The following USO1 variants were observed in gnomAD, a reference collection of about 807,000 sequenced individuals.
The protein encoded by USO1 is USO1 vesicle transport factor, also known as general vesicular transport factor p115.
Under a neutral mutation model 124.5 loss-of-function variants are expected in USO1, and 57 were observed. That is an observed-to-expected ratio of 0.46 (90% CI 0.37 to 0.57). The LOEUF (loss-of-function observed/expected upper bound fraction) is 0.57. USO1 is among the 20% of genes least tolerant of loss of function. The pLI is 0.00. For missense variants in USO1, 900 were observed against 1,040.6 expected (o/e 0.86, Z 1.86); for synonymous variants, 369 against 362.8 (o/e 1.02, Z -0.19).
At chr4:75,728,463 T>C (rs1720527098) in intron 1 of USO1, among the ~76,000 whole-genome samples, 1 of 152,134 alleles carries the variant, frequency 6.6e-6, no homozygotes, top group Non-Finnish European at 1.5e-5. Context: ...CAAGCACATT[T>C]TTATGGTGAA....
chr4:75,749,324 G>A (rs1490028106), intron 1 of USO1, among the ~76,000 whole-genome samples: 4 of 151,946 alleles, frequency 2.6e-5, no homozygotes, highest in African/African-American at 7.2e-5. Flanking sequence ...ATTCAGATAC[G>A]TAGGGTGCAA....
chr4:75,748,547 C>G (rs780707035), intron 1 of USO1, among the ~76,000 whole-genome samples: 3 of 152,134 alleles, frequency 2.0e-5, no homozygotes, highest in Non-Finnish European at 2.9e-5. Flanking sequence ...TTTTATATTT[C>G]TGCGTTTAGC....
rs1306739024 is a variant in USO1, at chr4:75,779,717, G to A, written c.677-2963G>A. On this transcript the variant is annotated intron_variant, in intron 8 of 23. Coordinates refer to ENST00000514213, the MANE Select transcript of USO1 (RefSeq NM_003715.4). Reference sequence around the variant, plus strand: ...TGTTGCTGCGTGAGATCTAAGGAAAGAAGCTGTCTCCCTAACAAAAGTACA... The same window carrying A: ...TGTTGCTGCGTGAGATCTAAGGAAAAAAGCTGTCTCCCTAACAAAAGTACA... Among the ~76,000 whole-genome samples the A allele has an allele frequency of 3.3e-5, 5 of 152,226 alleles. No homozygotes were observed. The East Asian group carries it at 9.6e-4, about 29-fold the overall frequency.
chr4:75,800,477 A>G lies in USO1; in HGVS notation c.1682+8A>G. 6.4e-7 allele frequency: 1 copy of G among 1,572,556 alleles called. No individual in the cohort carries two copies. The highest frequency in any genetic ancestry group is 1.2e-5 in the South Asian group (1 of 84,896). On this transcript the variant is annotated splice_region_variant and intron_variant, in intron 15 of 23. Transcript: ENST00000514213. ...ACTTGAGAGCTACATGAAGTAAGTAAGGGGAAGATGGTTTTCTAATGGCAT... is the reference window on the plus strand; with the variant it reads ...ACTTGAGAGCTACATGAAGTAAGTAGGGGGAAGATGGTTTTCTAATGGCAT...
intron 1 of USO1, among the ~76,000 whole-genome samples, chr4:75,743,980 G>A (rs1721043585): frequency 6.6e-6 from 1 of 152,092 alleles, no homozygotes; most frequent in Non-Finnish European, 1.5e-5. Flanking sequence ...GTTTCACCGT[G>A]TTAGCCAGGA....
chr4:75,752,790 T>A (rs2149154721), intron 3 of USO1, among the ~76,000 whole-genome samples, 186 bp downstream of exon 3: 1 of 152,288 alleles, frequency 6.6e-6, no homozygotes, highest in East Asian at 1.9e-4. Flanking sequence ...CCTCCCAAAG[T>A]GCTGGGATTG....
chr4:75,759,310 T>A (rs368415650), intron 4 of USO1, among the ~76,000 whole-genome samples: 18 of 128,538 alleles, frequency 1.4e-4, no homozygotes, highest in East Asian at 1.1e-3. Flanking sequence ...AAGTAGACAT[T>A]GGGCTGGGCG....
chr4:75,745,503 C>A (rs1339844795), intron 1 of USO1: 2 of 344,450 alleles, frequency 5.8e-6, no homozygotes, highest in South Asian at 2.3e-5. Flanking sequence ...TGGAGTGATA[C>A]ATCTATAGCT....
At chr4:75,738,850 G>A (rs1300918974) in intron 1 of USO1, among the ~76,000 whole-genome samples, 2 of 151,606 alleles carry the variant, frequency 1.3e-5, no homozygotes, top group Non-Finnish European at 2.9e-5. Flanking sequence ...TTTTTTGTTT[G>A]TTTGTTTTGT....
intron 19 of USO1, 135 bp downstream of exon 19, chr4:75,805,438 G>A: frequency 1.6e-6 from 2 of 1,278,406 alleles, no homozygotes; most frequent in Non-Finnish European, 2.1e-6. Context: ...CAGGCACAGT[G>A]GCTTACGCCT....
rs547136320 is a variant in USO1 at position 75,724,615 on chromosome 4, A to T, written c.-205A>T. On this transcript the variant is annotated 5_prime_UTR_variant, in exon 1 of 24. Coordinates refer to ENST00000514213, the MANE Select transcript of USO1 (RefSeq NM_003715.4). Reference sequence around the variant, plus strand: ...AACCTTCGAGCCGCCACGTAATGCCACGTCCCCGCGCATGCGCATCTTGGC... The same window carrying T: ...AACCTTCGAGCCGCCACGTAATGCCTCGTCCCCGCGCATGCGCATCTTGGC... The T allele has an allele frequency of 3.5e-6, 2 of 576,466 alleles. No homozygotes were observed. The highest frequency in any genetic ancestry group is 3.3e-5 in the Admixed American group (1 of 30,406). 35.7% of individuals were successfully genotyped at this position (576,466 alleles called of 1,614,324 possible).
chr4:75,781,754 T>C (rs1420684632), intron 8 of USO1, among the ~76,000 whole-genome samples: 1 of 104,190 alleles, frequency 9.6e-6, no homozygotes, highest in Non-Finnish European at 2.4e-5. Flanking sequence ...AAAAATGATG[T>C]CTTTTTAAAA....
At chr4:75,748,974 ATATATATG>A (rs1297767718) in intron 1 of USO1, among the ~76,000 whole-genome samples, 2 of 151,892 alleles carry the variant, frequency 1.3e-5, no homozygotes, top group Middle Eastern at 3.4e-3. Context: ...ATATATGTGT[ATATATATG>A]TATATATTAG....
chr4:75,796,966 T>C (rs1722703212), intron 13 of USO1, among the ~76,000 whole-genome samples: 1 of 151,828 alleles, frequency 6.6e-6, no homozygotes, highest in Admixed American at 6.6e-5. Flanking sequence ...CTTTTATGGC[T>C]TCTGCATTTT....
rs749590361 is a variant in USO1, at chr4:75,787,218, T to C, written c.996+16T>C. On this transcript the variant is annotated intron_variant, in intron 10 of 23. Coordinates refer to ENST00000514213, the MANE Select transcript of USO1 (RefSeq NM_003715.4). ...CCTGACTGAGGTAAAGCAAATGAAG[T>C]CAAAGCCAACTCTGTGGAAGTTGAA... is the stretch of plus-strand genomic sequence containing the variant. The C allele has an allele frequency of 6.1e-6, 9 of 1,486,752 alleles. No individual in the cohort carries two copies. The highest frequency in any genetic ancestry group is 6.3e-6 in the Non-Finnish European group (7 of 1,119,352). The allele number at this position is 1,486,752 out of a possible 1,614,324, so 92.1% of individuals were successfully genotyped here. A position where few individuals can be genotyped will look rare whatever the true frequency, so the allele number is the denominator to read the frequency against.
chr4:75,729,271 G>C (rs1487603756), intron 1 of USO1, among the ~76,000 whole-genome samples: 2 of 151,830 alleles, frequency 1.3e-5, no homozygotes, highest in East Asian at 3.9e-4. Flanking sequence ...GACCACCAGG[G>C]ACTTCATGCT....
intron 1 of USO1, among the ~76,000 whole-genome samples, chr4:75,742,912 G>T (rs577742761): frequency 6.6e-6 from 1 of 152,014 alleles, no homozygotes; most frequent in Non-Finnish European, 1.5e-5. Context: ...TTCTTTGGTC[G>T]GTTTCCAAGA....
Position 75,790,156 on chromosome 4 carries a change from A to G in USO1, c.1003A>G (p.Asn335Asp). The change falls in exon 11 of 24, where the codon AAT becomes GAT. Residue 335 changes from asparagine to aspartate, a missense_variant. Around this residue, in one of 2 missense-constraint regions of USO1, gnomAD observed 538 missense variants for 681.6 expected, o/e 0.79. Transcript: ENST00000514213. The stretch of plus-strand genomic sequence containing the variant: ...TCTTTCTTCCCCTTAACAGACCATA[A>G]ATACTGTATCAGAAGTTATTCGAGG... The part of the protein sequence containing the change: ...VPADILTETI[N>D]TVSEVIRGCQ... The G allele has an allele frequency of 6.2e-7, 1 of 1,600,224 alleles. No homozygotes were observed. Among genetic ancestry groups the G allele is most frequent in the South Asian group, 1.1e-5 (1 of 88,110 alleles).
At chr4:75,782,179 ATGGTT>A (rs1722239088) in intron 8 of USO1, among the ~76,000 whole-genome samples, 3 of 152,240 alleles carry the variant, frequency 2.0e-5, no homozygotes, top group Non-Finnish European at 2.9e-5. Flanking sequence ...CAAATAAGAT[ATGGTT>A]GATTCATTCA....
Sources: allele counts gnomAD v4.1 joint callset (sites outside exome capture counted in the v4.1 genomes callset), GRCh38; gene constraint gnomAD v4.1.1; regional missense constraint gnomAD v4.1.1; transcripts MANE v1.5; gene names NCBI Gene and HGNC (gene_info 2026-07-23, HGNC 2026-07-21).